Variants in ERC2 observed in about 807,000 individuals in gnomAD.
ERC2 encodes the protein ERC protein 2.
ERC2 carries 42 observed loss-of-function variants against 114.8 expected under a neutral mutation model. The ratio of observed to expected loss-of-function variants is 0.37; its 90% confidence interval spans 0.29 to 0.47. ERC2 has a LOEUF of 0.47. ERC2 is among the 20% of genes least tolerant of loss of function. The pLI, the probability that ERC2 is intolerant of heterozygous loss-of-function variation, is 0.99. For missense variants in ERC2, 939 were observed against 1,150.7 expected, an observed-to-expected ratio of 0.82 and a Z score of 2.66; for synonymous variants, 454 against 425.5, an observed-to-expected ratio of 1.07 and a Z score of -0.82.
intron 17 of ERC2, among the ~76,000 whole-genome samples, chr3:55,665,855 G>A (rs2061338050): frequency 1.3e-5 from 2 of 152,176 alleles, no homozygotes; most frequent in Non-Finnish European, 2.9e-5. Context: ...ACTCTGCTAG[G>A]TAGGCACTAG....
intron 6 of ERC2, among the ~76,000 whole-genome samples, chr3:56,116,209 C>A (rs1039861107): frequency 1.3e-5 from 2 of 152,088 alleles, no homozygotes; most frequent in African/African-American, 2.4e-5. Flanking sequence ...AAAAGAAAAT[C>A]TTTTTTAAGA....
intron 1 of ERC2, among the ~76,000 whole-genome samples, chr3:56,466,873 G>A (rs1276414988): frequency 7.9e-5 from 12 of 152,294 alleles, no homozygotes; most frequent in African/African-American, 2.4e-4. Flanking sequence ...AACGGTACAT[G>A]TTGTCTCTTA....
intron 1 of ERC2, among the ~76,000 whole-genome samples, chr3:56,458,362 C>A (rs529190571): frequency 6.6e-6 from 1 of 152,132 alleles, no homozygotes. Context: ...GGGCTTGTGA[C>A]CCCAGGTCAG....
At chr3:55,636,675 C>T (rs1029878279) in intron 17 of ERC2, among the ~76,000 whole-genome samples, 1 of 152,156 alleles carries the variant, frequency 6.6e-6, no homozygotes, top group South Asian at 2.1e-4. Context: ...GTTTCTGTCG[C>T]AACTATTTAC....
At chr3:56,015,753 T>C (rs906331242) in intron 8 of ERC2, among the ~76,000 whole-genome samples, 2 of 152,222 alleles carry the variant, frequency 1.3e-5, no homozygotes, top group South Asian at 2.1e-4. Context: ...AAATGGTATT[T>C]GTTGTTCTAG....
chr3:55,858,390 C>T (rs1473830349), intron 14 of ERC2, among the ~76,000 whole-genome samples: 1 of 152,164 alleles, frequency 6.6e-6, no homozygotes, highest in African/African-American at 2.4e-5. Context: ...AATAAAAGCT[C>T]TTATTCAACA....
intron 17 of ERC2, among the ~76,000 whole-genome samples, chr3:55,568,496 A>C (rs1342423043): frequency 2.0e-5 from 3 of 152,160 alleles, no homozygotes; most frequent in African/African-American, 7.2e-5. Context: ...TCAGCCCAAA[A>C]CTCTGGAGCC....
At chr3:55,680,717 A>AAAAGTGATCC (rs765634465) in intron 17 of ERC2, among the ~76,000 whole-genome samples, 1 of 152,186 alleles carries the variant, frequency 6.6e-6, no homozygotes, top group Non-Finnish European at 1.5e-5. Flanking sequence ...AACTTGCTGG[A>AAAAGTGATCC]AAAGTGATCC....
At chr3:56,225,651 C>T (rs966813996) in intron 3 of ERC2, among the ~76,000 whole-genome samples, 4 of 152,180 alleles carry the variant, frequency 2.6e-5, no homozygotes, top group Non-Finnish European at 5.9e-5. Context: ...CTAAATTAGG[C>T]TTTTGTCTAA....
intron 14 of ERC2, among the ~76,000 whole-genome samples, chr3:55,800,613 T>C (rs1229863521): frequency 6.6e-6 from 1 of 152,120 alleles, no homozygotes; most frequent in Non-Finnish European, 1.5e-5. Flanking sequence ...TCCCTCGTGT[T>C]GGAAGCACCA....
At chr3:56,339,662 T>G (rs561325667) in intron 2 of ERC2, among the ~76,000 whole-genome samples, 2 of 152,180 alleles carry the variant, frequency 1.3e-5, no homozygotes, top group East Asian at 3.9e-4. Flanking sequence ...CATGTCTCTC[T>G]CTCTCCCTCT....
chr3:56,285,102 C>G (rs1477633688), intron 3 of ERC2, among the ~76,000 whole-genome samples: 3 of 146,984 alleles, frequency 2.0e-5, no homozygotes, highest in African/African-American at 5.0e-5. Flanking sequence ...AGCTCCCCCC[C>G]ATCCCTACCT....
intron 2 of ERC2, among the ~76,000 whole-genome samples, chr3:56,404,413 C>T (rs1392567306): frequency 2.6e-5 from 4 of 151,908 alleles, no homozygotes; most frequent in African/African-American, 7.3e-5. Context: ...AAATATATGT[C>T]GAATGACTCC....
At chr3:55,681,124 G>A (rs1025730552) in intron 17 of ERC2, among the ~76,000 whole-genome samples, 4 of 152,086 alleles carry the variant, frequency 2.6e-5, no homozygotes, top group African/African-American at 7.2e-5. Context: ...AACTTTCCCC[G>A]GTCCACCGTG....
intron 14 of ERC2, among the ~76,000 whole-genome samples, chr3:55,884,035 G>A (rs1422257095): frequency 5.3e-5 from 8 of 152,186 alleles, no homozygotes; most frequent in Non-Finnish European, 4.4e-5. Context: ...ATGTGATGTT[G>A]TACTTTAGTT....
intron 4 of ERC2, among the ~76,000 whole-genome samples, chr3:56,163,901 A>G (rs2316478): frequency 0.82 from 124,419 of 151,946 alleles, 52,118 homozygotes; most frequent in South Asian, 0.93. Context: ...TTTTGATCCT[A>G]TAATGAAGTT....
intron 15 of ERC2, among the ~76,000 whole-genome samples, chr3:55,734,278 C>T (rs1346832280): frequency 6.6e-6 from 1 of 152,078 alleles, no homozygotes; most frequent in African/African-American, 2.4e-5. Flanking sequence ...CTGGGAGATG[C>T]TCCTTGGCTG....
rs374219857 is a variant in ERC2 at position 55,761,410 on chromosome 3, GT to G, written c.2565-26493del. On this transcript the variant is annotated intron_variant, in intron 14 of 17. Coordinates refer to ENST00000288221, the MANE Select transcript of ERC2 (RefSeq NM_015576.3). The stretch of plus-strand genomic sequence containing the variant: ...TAAAAATGTATTCGCTGTTTATCTG[GT>G]TTTTTTTTTTCTTAGTTTTATCTCA... Among the ~76,000 whole-genome samples the G allele has an allele frequency of 4.0e-3, 588 of 147,536 alleles. 5 individuals carry two copies. Among genetic ancestry groups the G allele is most frequent in the African/African-American group, 0.013 (545 of 40,424 alleles).
intron 3 of ERC2, among the ~76,000 whole-genome samples, chr3:56,265,754 C>G (rs952039236): frequency 6.6e-6 from 1 of 152,080 alleles, no homozygotes; most frequent in Non-Finnish European, 1.5e-5. Context: ...ATAGGCCAGG[C>G]ACAGTGGCTC....
Sources: allele counts gnomAD v4.1 joint callset (sites outside exome capture counted in the v4.1 genomes callset), GRCh38; gene constraint gnomAD v4.1.1; transcripts MANE v1.5; gene names NCBI Gene and HGNC (gene_info 2026-07-23, HGNC 2026-07-21).